Variants in FYB1 observed in about 807,000 individuals in gnomAD.
FYB1 encodes FYN binding protein 1.
Under a neutral mutation model 94.1 loss-of-function variants are expected in FYB1, and 41 were observed. The ratio of observed to expected loss-of-function variants is 0.44; its 90% CI spans 0.34 to 0.57. The LOEUF is 0.57. Among genes scored for constraint, FYB1 ranks in the 20% least tolerant of loss-of-function variants. The pLI, the probability that FYB1 is intolerant of heterozygous loss-of-function variation, is 0.02. For missense variants in FYB1, 1,050 were observed against 976.8 expected, an observed-to-expected ratio of 1.07 and a Z score of -1.00; for synonymous variants, 367 against 353.2, an observed-to-expected ratio of 1.04 and a Z score of -0.44.
chr5:39,258,389 C>T (rs1752060267), intron 1 of FYB1, among the ~76,000 whole-genome samples: 1 of 152,148 alleles, frequency 6.6e-6, no homozygotes, highest in Non-Finnish European at 1.5e-5. Context: ...CACCTGAGGT[C>T]AGGAGTTTGA....
chr5:39,240,298 G>T (rs774849315), intron 1 of FYB1, among the ~76,000 whole-genome samples: 8 of 152,186 alleles, frequency 5.3e-5, no homozygotes, highest in Non-Finnish European at 1.0e-4. Context: ...AAAAGCAACT[G>T]CAATAAAACC....
At chr5:39,205,037 G>C (rs139449783) in intron 1 of FYB1, among the ~76,000 whole-genome samples, 5 of 152,226 alleles carry the variant, frequency 3.3e-5, no homozygotes, top group Middle Eastern at 3.4e-3. Flanking sequence ...GAGAGAATGG[G>C]TTCTTCCCTG....
At chr5:39,158,898 A>G (rs1743998425) in intron 2 of FYB1, among the ~76,000 whole-genome samples, 1 of 152,168 alleles carries the variant, frequency 6.6e-6, no homozygotes, top group Non-Finnish European at 1.5e-5. Context: ...GGTATCTTAG[A>G]CCAGGCATTA....
chr5:39,272,523 T>C (rs1377480076), intron 1 of FYB1, among the ~76,000 whole-genome samples: 1 of 151,092 alleles, frequency 6.6e-6, no homozygotes, highest in African/African-American at 2.4e-5. Flanking sequence ...ATACAAAAAA[T>C]TAGCTGGGCC....
intron 1 of FYB1, among the ~76,000 whole-genome samples, chr5:39,205,134 C>T (rs1325367147): frequency 3.3e-5 from 5 of 152,188 alleles, no homozygotes; most frequent in African/African-American, 1.2e-4. Flanking sequence ...AAAAATTTGC[C>T]CCCTAACTGA....
intron 1 of FYB1, among the ~76,000 whole-genome samples, chr5:39,238,260 TC>T (rs1425114358): frequency 3.9e-5 from 6 of 151,996 alleles, no homozygotes; most frequent in African/African-American, 1.4e-4. Flanking sequence ...CTATAATATA[TC>T]TGTGTGTGTG....
chr5:39,161,277 T>C (rs1744226324), intron 2 of FYB1, among the ~76,000 whole-genome samples: 2 of 152,198 alleles, frequency 1.3e-5, no homozygotes, highest in Admixed American at 6.5e-5. Flanking sequence ...CTTTTTCTTT[T>C]GTCCTTTTTC....
chr5:39,151,685 AC>A (rs1230376529), intron 3 of FYB1, among the ~76,000 whole-genome samples: 2 of 152,216 alleles, frequency 1.3e-5, no homozygotes, highest in Non-Finnish European at 2.9e-5. Flanking sequence ...TTACAAAAGC[AC>A]AATGTAGTGG....
At chr5:39,143,721 A>C (rs2150338110) in intron 3 of FYB1, among the ~76,000 whole-genome samples, 1 of 152,306 alleles carries the variant, frequency 6.6e-6, no homozygotes, top group South Asian at 2.1e-4. Context: ...TAAAACCATA[A>C]AATGGGCTCA....
rs193240100 is a variant in FYB1, at chr5:39,117,233, T to A, written c.2401+1641A>T. On this transcript the variant is annotated intron_variant, in intron 16 of 18. Transcript: ENST00000512982. ...GATTTTATAACATGGCTATAAATCC[T>A]ACACCAAATTAAATAGCTTTCTTAC... Among the ~76,000 whole-genome samples the A allele has an allele frequency of 4.0e-3, 607 of 152,306 alleles. 2 individuals are homozygous for A. The highest frequency in any genetic ancestry group is 4.8e-3 in the Non-Finnish European group (327 of 68,022).
At chr5:39,211,519 C>T (rs981616593) in intron 1 of FYB1, among the ~76,000 whole-genome samples, 1 of 151,980 alleles carries the variant, frequency 6.6e-6, no homozygotes, top group Non-Finnish European at 1.5e-5. Context: ...GACAGGGTTT[C>T]ACCGTGGTTT....
intron 1 of FYB1, among the ~76,000 whole-genome samples, chr5:39,243,983 A>C (rs966384171): frequency 2.0e-5 from 3 of 152,158 alleles, no homozygotes; most frequent in African/African-American, 7.2e-5. Flanking sequence ...ATTTTTGCAC[A>C]CTGATTTTGT....
At chr5:39,178,870 G>A (rs1745966829) in intron 2 of FYB1, among the ~76,000 whole-genome samples, 1 of 152,070 alleles carries the variant, frequency 6.6e-6, no homozygotes, top group East Asian at 1.9e-4. Context: ...ATAATCTTAG[G>A]AAATCCTTTA....
chr5:39,235,436 T>C (rs1467283278), intron 1 of FYB1, among the ~76,000 whole-genome samples: 2 of 152,130 alleles, frequency 1.3e-5, no homozygotes, highest in African/African-American at 4.8e-5. Context: ...TCCACAGTTG[T>C]CCAAACAGGG....
chr5:39,220,443 A>C (rs1474082786), upstream of FYB1, among the ~76,000 whole-genome samples: 2 of 151,704 alleles, frequency 1.3e-5, no homozygotes, highest in East Asian at 3.9e-4. Flanking sequence ...GAAAGAAAGA[A>C]AGAAAAATAA....
intron 1 of FYB1, among the ~76,000 whole-genome samples, chr5:39,204,079 C>G (rs1289766043): frequency 6.6e-6 from 1 of 152,278 alleles, no homozygotes; most frequent in Admixed American, 6.5e-5. Context: ...TACCTCTCAT[C>G]CCCCACCTTT....
intron 1 of FYB1, among the ~76,000 whole-genome samples, chr5:39,262,774 T>G (rs1752276700): frequency 6.6e-6 from 1 of 151,650 alleles, no homozygotes; most frequent in African/African-American, 2.4e-5. Flanking sequence ...AAAAACCCAA[T>G]GTAGAGTGAA....
intron 2 of FYB1, among the ~76,000 whole-genome samples, chr5:39,155,125 A>G (rs1407958183): frequency 1.3e-5 from 2 of 152,184 alleles, no homozygotes. Flanking sequence ...ACGGCACTTC[A>G]CTGTAAATTT....
rs5867442 is a variant in FYB1 at position 39,116,843 on chromosome 5, C to CA, written c.2401+2030dup. Among the ~76,000 whole-genome samples, 25 of 149,242 alleles carry CA rather than the reference C, an allele frequency of 1.7e-4. No individual in the cohort carries two copies. In the Middle Eastern group the frequency reaches 0.01, roughly 62 times the overall value. On this transcript the variant is annotated intron_variant, in intron 16 of 18. Transcript: ENST00000512982. ...TAAATGTAAGGTGGAAAAAAATAAGCAAAAAAAAAAAGAATGTCAGACCTC... is the reference window on the plus strand; with the variant it reads ...TAAATGTAAGGTGGAAAAAAATAAGCAAAAAAAAAAAAGAATGTCAGACCTC...
Sources: allele counts gnomAD v4.1 joint callset (sites outside exome capture counted in the v4.1 genomes callset), GRCh38; gene constraint gnomAD v4.1.1; transcripts MANE v1.5; gene names NCBI Gene and HGNC (gene_info 2026-07-23, HGNC 2026-07-21).